The following SLC4A8 variants were observed in gnomAD, a reference collection of about 807,000 sequenced individuals.
SLC4A8 encodes electroneutral sodium bicarbonate exchanger 1.
A neutral mutation model predicts 125.0 loss-of-function variants in SLC4A8; 40 were observed. The observed-to-expected ratio is 0.32, with a 90% CI of 0.25 to 0.42. The LOEUF is 0.42. Among genes scored for constraint, SLC4A8 ranks in the 10% least tolerant of loss-of-function variants. SLC4A8 has a pLI of 1.00. For synonymous variants in SLC4A8, 456 were observed against 476.0 expected (o/e 0.96, Z 0.55); for missense variants, 863 against 1,355.1 (o/e 0.64, Z 5.70).
chr12:51,477,235 A>G (rs1950884184), intron 16 of SLC4A8, among the ~76,000 whole-genome samples: 1 of 152,190 alleles, frequency 6.6e-6, no homozygotes, highest in Admixed American at 6.5e-5. Context: ...TATATTTTTA[A>G]TTTAAATCAT....
intron 2 of SLC4A8, among the ~76,000 whole-genome samples, chr12:51,449,192 C>T (rs1949883881): frequency 6.6e-6 from 1 of 152,086 alleles, no homozygotes; most frequent in Admixed American, 6.6e-5. Flanking sequence ...AATCCCAGTA[C>T]TTTGGGAGGC....
At chr12:51,401,070 A>C (rs1307120995) in intron 1 of SLC4A8, among the ~76,000 whole-genome samples, 1 of 151,506 alleles carries the variant, frequency 6.6e-6, no homozygotes, top group East Asian at 2.0e-4. Flanking sequence ...TGTGGGGTTC[A>C]GATCCCACGG....
chr12:51,399,632 G>C (rs1948332366), intron 1 of SLC4A8, among the ~76,000 whole-genome samples: 1 of 152,144 alleles, frequency 6.6e-6, no homozygotes, highest in African/African-American at 2.4e-5. Flanking sequence ...AACAGTTTTG[G>C]AGTGAGACCT....
intron 1 of SLC4A8, among the ~76,000 whole-genome samples, chr12:51,396,292 T>A (rs1223755805): frequency 6.6e-6 from 1 of 152,072 alleles, no homozygotes; most frequent in Non-Finnish European, 1.5e-5. Context: ...AGGTCAGGTG[T>A]GGAGATACAA....
chr12:51,515,035 C>T lies in SLC4A8; in HGVS notation c.*7597C>T, dbSNP rs902194939. 6.6e-6 allele frequency: 1 copy of T among 152,204 alleles called. No homozygotes were observed. The highest frequency in any genetic ancestry group is 2.4e-5 in the African/African-American group (1 of 41,462). 9.4% of individuals were successfully genotyped at this position (152,204 alleles called of 1,614,324 possible). Reference sequence around the variant, plus strand: ...AGTTTCAGCATTGGAGAATACAGAACTTTTTCTTCTAGCTGATGGCATTAA... The same window carrying T: ...AGTTTCAGCATTGGAGAATACAGAATTTTTTCTTCTAGCTGATGGCATTAA... On this transcript the variant is annotated 3_prime_UTR_variant, in exon 25 of 25. Transcript: ENST00000453097.
chr12:51,495,401 C>T (rs148825921), intron 21 of SLC4A8, among the ~76,000 whole-genome samples: 138 of 151,220 alleles, frequency 9.1e-4, no homozygotes, highest in Non-Finnish European at 1.7e-3. Context: ...ATTCTAGGTA[C>T]GTCATATAAG....
intron 17 of SLC4A8, among the ~76,000 whole-genome samples, chr12:51,486,239 C>G (rs2138383900): frequency 6.6e-6 from 1 of 152,284 alleles, no homozygotes; most frequent in Non-Finnish European, 1.5e-5. Context: ...AAACATGGGT[C>G]TCTGGAACAA....
intron 22 of SLC4A8, among the ~76,000 whole-genome samples, chr12:51,501,001 G>T (rs532659506): frequency 1.1e-3 from 164 of 151,976 alleles, no homozygotes; most frequent in Non-Finnish European, 2.0e-3. Flanking sequence ...TTAGCATTAG[G>T]TATATTTTTA....
intron 1 of SLC4A8, chr12:51,403,263 G>C (rs1002241001): frequency 2.2e-6 from 1 of 456,772 alleles, no homozygotes; most frequent in Non-Finnish European, 4.4e-6. Context: ...ACTCAAGCCT[G>C]AACAGAAGGA....
At chr12:51,424,054 C>CCA (rs1694774463), upstream of SLC4A8, among the ~76,000 whole-genome samples, 6 of 77,450 alleles carry the variant, frequency 7.7e-5, no homozygotes, top group South Asian at 9.9e-4. Context: ...AAAAAAAAAA[C>CCA]AAAAAAAACA....
rs182381219 is a variant in SLC4A8 at position 51,452,253 on chromosome 12, C to G, written c.407C>G (p.Thr136Arg). ...KEGEDAEWKE[T>R]ARWLKFEEDV... ...GGAGAAGATGCTGAGTGGAAGGAAA[C>G]AGCCAGGTGAGGCCCTAAAATGGCC... Residue 136 changes from threonine to arginine, a missense_variant, in exon 4 of 25, where the codon ACA becomes AGA. Transcript: ENST00000453097. 4 of 1,614,188 alleles carry G rather than the reference C, an allele frequency of 2.5e-6. No homozygotes were observed. The East Asian group carries it at 8.9e-5, about 36-fold the overall frequency.
In SLC4A8 at chr12:51,433,851, G is replaced by GT. The variant is rs869249897; in HGVS notation, c.49-6830dup. ...GGCGTCAACAATGAACACACCATCT[G>GT]TTTTTTTTTTTTTTTTTTTTTTTTT... On this transcript the variant is annotated intron_variant, in intron 1 of 24. Transcript: ENST00000453097. Among the ~76,000 whole-genome samples, 620 of 64,926 alleles carry GT rather than the reference G, an allele frequency of 9.5e-3. 37 individuals carry two copies. The highest frequency in any genetic ancestry group is 0.037 in the Admixed American group (226 of 6,094). The allele number at this position is 64,926 out of a possible 152,430, so 42.6% of individuals were successfully genotyped here.
At chr12:51,443,341 G>A (rs1949660229) in intron 2 of SLC4A8, among the ~76,000 whole-genome samples, 1 of 152,174 alleles carries the variant, frequency 6.6e-6, no homozygotes, top group Non-Finnish European at 1.5e-5. Flanking sequence ...TACATTGTTA[G>A]AAACTTTGTA....
intron 1 of SLC4A8, among the ~76,000 whole-genome samples, chr12:51,416,632 G>A (rs764241534): frequency 6.6e-6 from 1 of 151,668 alleles, no homozygotes; most frequent in Non-Finnish European, 1.5e-5. Flanking sequence ...GACAGAGTGA[G>A]ACTCTGTCTC....
chr12:51,400,726 T>TTATA (rs869058430), intron 1 of SLC4A8, among the ~76,000 whole-genome samples: 3 of 41,892 alleles, frequency 7.2e-5, no homozygotes, highest in Non-Finnish European at 1.2e-4. Context: ...ATGAACTCCT[T>TTATA]TATATATATA....
At chr12:51,446,745 G>A (rs1467621379) in intron 2 of SLC4A8, among the ~76,000 whole-genome samples, 1 of 152,184 alleles carries the variant, frequency 6.6e-6, no homozygotes, top group East Asian at 1.9e-4. Flanking sequence ...AGAGTCAGAG[G>A]CCCTCTTAGG....
chr12:51,401,539 C>A (rs1948392478), intron 1 of SLC4A8, among the ~76,000 whole-genome samples: 1 of 152,166 alleles, frequency 6.6e-6, no homozygotes, highest in Non-Finnish European at 1.5e-5. Context: ...TGTTGGTATG[C>A]TCTTCCACCA....
intron 1 of SLC4A8, among the ~76,000 whole-genome samples, chr12:51,396,927 T>TTTC (rs1396681186): frequency 2.2e-5 from 3 of 134,984 alleles, no homozygotes; most frequent in Non-Finnish European, 4.7e-5. Context: ...CTTAGTTAAT[T>TTTC]TTTTTTTTTT....
At chr12:51,491,289 A>G (rs551946655) in intron 19 of SLC4A8, among the ~76,000 whole-genome samples, 1 of 152,210 alleles carries the variant, frequency 6.6e-6, no homozygotes, top group African/African-American at 2.4e-5. Context: ...AAGCCGAGGG[A>G]ATAGATGAGA....
Sources: gnomAD v4.1 joint callset for allele counts (sites outside exome capture counted in the v4.1 genomes callset) on GRCh38, gnomAD v4.1.1 for gene constraint, MANE v1.5 for transcripts, NCBI Gene and HGNC (gene_info 2026-07-23, HGNC 2026-07-21) for gene names.